PCDH11X: variants seen among roughly 807,000 people sequenced by gnomAD.
PCDH11X encodes the protein protocadherin 11 X-linked, also known as protocadherin-11 X-linked.
In PCDH11X, 18 loss-of-function variants were observed where a neutral mutation model predicts 53.3. That is an observed-to-expected ratio of 0.34 (90% CI 0.23 to 0.50). The LOEUF is 0.50. Ranked by LOEUF, PCDH11X falls within the 20% of genes least tolerant of loss-of-function variation. The probability of loss-of-function intolerance (pLI) is 0.98; values close to 1 mark genes in which losing one functional copy is unlikely to be tolerated. For synonymous variants in PCDH11X, 279 were observed against 393.3 expected (o/e 0.71, Z 3.44); for missense variants, 570 against 1,032.4 (o/e 0.55, Z 6.14).
At chrX:91,956,163 G>A (rs2061707685) in intron 6 of PCDH11X, among the ~76,000 whole-genome samples, 1 of 110,759 alleles carries the variant, frequency 9.0e-6, no homozygotes, top group South Asian at 3.9e-4. Flanking sequence ...ACATGAGCTG[G>A]GCCTCTTGAA....
At chrX:92,180,862 T>TG (rs1491496088) in intron 6 of PCDH11X, among the ~76,000 whole-genome samples, 1 of 39,253 alleles carries the variant, frequency 2.5e-5, no homozygotes, top group Non-Finnish European at 5.0e-5. Flanking sequence ...CCATTAAAAC[T>TG]TTTTTTTTTT....
At chrX:92,352,961 A>C (rs2070093356) in intron 8 of PCDH11X, among the ~76,000 whole-genome samples, 1 of 110,011 alleles carries the variant, frequency 9.1e-6, no homozygotes, top group Admixed American at 9.7e-5. Flanking sequence ...TTGGAACAAA[A>C]GTCCATGATT....
chrX:91,960,586 G>C (rs759430818), intron 6 of PCDH11X, among the ~76,000 whole-genome samples: 6 of 110,376 alleles, frequency 5.4e-5, no homozygotes, highest in African/African-American at 2.0e-4. Flanking sequence ...CATCATGCCT[G>C]GCTAATTTTT....
chrX:92,231,740 G>T (rs1445493593), intron 7 of PCDH11X, among the ~76,000 whole-genome samples: 6 of 112,123 alleles, frequency 5.4e-5, no homozygotes, highest in Non-Finnish European at 1.1e-4. Flanking sequence ...ATCTTCTGGT[G>T]TATGAACAGG....
intron 4 of PCDH11X, among the ~76,000 whole-genome samples, chrX:91,824,389 T>G (rs1159377190): frequency 9.1e-6 from 1 of 110,350 alleles, no homozygotes; most frequent in Non-Finnish European, 1.9e-5. Context: ...TATTCTTTTT[T>G]CTCTAAACTT....
chrX:92,371,051 A>G (rs1232872791), intron 8 of PCDH11X, among the ~76,000 whole-genome samples: 4 of 111,638 alleles, frequency 3.6e-5, no homozygotes, highest in African/African-American at 1.3e-4. Flanking sequence ...CACTATTTGC[A>G]TGGACTATCT....
At chrX:91,931,848 G>A (rs1462875307) in intron 6 of PCDH11X, among the ~76,000 whole-genome samples, 1 of 110,728 alleles carries the variant, frequency 9.0e-6, no homozygotes, top group African/African-American at 3.3e-5. Flanking sequence ...TACGTTCCAG[G>A]GTGCATGTGC....
intron 6 of PCDH11X, among the ~76,000 whole-genome samples, chrX:92,148,778 G>GTA (rs757499812): frequency 1.0e-3 from 108 of 104,259 alleles, no homozygotes; most frequent in Middle Eastern, 5.0e-3. Context: ...ATATGTGTGT[G>GTA]TATATATATA....
chrX:92,596,839 A>G (rs1167054824), intron 10 of PCDH11X, among the ~76,000 whole-genome samples: 7 of 109,870 alleles, frequency 6.4e-5, no homozygotes, highest in Non-Finnish European at 1.1e-4. Flanking sequence ...GAATTAAACA[A>G]TACACTAAAA....
chrX:91,853,148 C>T (rs1051825623), intron 5 of PCDH11X, among the ~76,000 whole-genome samples: 9 of 109,494 alleles, frequency 8.2e-5, no homozygotes, highest in South Asian at 7.9e-4. Flanking sequence ...TATAATTTAT[C>T]GTAAATGTAG....
intron 6 of PCDH11X, among the ~76,000 whole-genome samples, chrX:92,094,133 ATG>A (rs58997781): frequency 0.022 from 2,047 of 94,169 alleles, 31 homozygotes; most frequent in Middle Eastern, 0.053. Context: ...AAAAAGTAAT[ATG>A]TGTGTGTGTG....
intron 6 of PCDH11X, among the ~76,000 whole-genome samples, chrX:91,921,004 T>G (rs1161804685): frequency 9.0e-6 from 1 of 111,652 alleles, no homozygotes; most frequent in South Asian, 3.8e-4. Context: ...ACTATATGGA[T>G]TTCCAGAGTC....
intron 6 of PCDH11X, among the ~76,000 whole-genome samples, chrX:92,174,145 G>A (rs766902944): frequency 9.2e-6 from 1 of 108,534 alleles, no homozygotes; most frequent in South Asian, 4.1e-4. Flanking sequence ...AAACTTGGAG[G>A]GAGCTACTTT....
At chrX:92,496,372 G>A (rs1437351226) in intron 10 of PCDH11X, among the ~76,000 whole-genome samples, 1 of 105,098 alleles carries the variant, frequency 9.5e-6, no homozygotes. Flanking sequence ...ATTATGCAAG[G>A]AAAAATGTGG....
chrX:92,155,340 T>C (rs1429739460), intron 6 of PCDH11X, among the ~76,000 whole-genome samples: 1 of 59,317 alleles, frequency 1.7e-5, no homozygotes, highest in Non-Finnish European at 3.1e-5. Flanking sequence ...GGAGAAAGCT[T>C]AACTCTAGTT....
intron 6 of PCDH11X, among the ~76,000 whole-genome samples, chrX:91,959,035 A>G (rs1171946304): frequency 3.7e-5 from 4 of 107,473 alleles, no homozygotes; most frequent in Admixed American, 3.0e-4. Flanking sequence ...GGTAGTGTCA[A>G]TGGCAGTAAT....
chrX:92,467,777 A>T (rs2073184558), intron 9 of PCDH11X, among the ~76,000 whole-genome samples: 1 of 111,689 alleles, frequency 9.0e-6, no homozygotes, highest in East Asian at 2.8e-4. Context: ...CCATGATAAG[A>T]ATAATTCTAC....
rs772093798 is a variant in PCDH11X, at chrX:91,846,012, A to G, written c.540+9968A>G. ...TTTTGTGGATGTTTTGTAAATTGTA[A>G]TCTCATTGTAACTATGTCTGGTGTT... On this transcript the variant is annotated intron_variant, in intron 5 of 10. Coordinates refer to ENST00000682573, the MANE Select transcript of PCDH11X (RefSeq NM_032968.5). 3.6e-5 allele frequency among the ~76,000 whole-genome samples: 4 copies of G among 111,528 alleles called. No homozygotes were observed. In the East Asian group the frequency reaches 8.5e-4, roughly 24 times the overall value.
At chrX:92,459,621 T>C (rs2072987962) in intron 9 of PCDH11X, 1 of 557,699 alleles carries the variant, frequency 1.8e-6, no homozygotes, top group South Asian at 2.7e-5. Flanking sequence ...GCCACCATCG[T>C]CGGCAAAGCC....
Sources: allele counts gnomAD v4.1 joint callset (sites outside exome capture counted in the v4.1 genomes callset), GRCh38; gene constraint gnomAD v4.1.1; transcripts MANE v1.5; gene names NCBI Gene and HGNC (gene_info 2026-07-23, HGNC 2026-07-21).